Variants in ITSN1 observed in about 807,000 individuals in gnomAD.
ITSN1 encodes the protein intersectin 1.
A neutral mutation model predicts 239.8 loss-of-function variants in ITSN1; 58 were observed. The ratio of observed to expected loss-of-function variants is 0.24; its 90% confidence interval spans 0.20 to 0.30. The LOEUF (loss-of-function observed/expected upper bound fraction) is 0.30, where lower values mean the gene tolerates loss of function less well. Among genes scored for constraint, ITSN1 ranks in the 10% least tolerant of loss-of-function variants. The probability of loss-of-function intolerance (pLI) is 1.00; values close to 1 mark genes in which losing one functional copy is unlikely to be tolerated. For synonymous variants in ITSN1, 780 were observed against 770.8 expected, an observed-to-expected ratio of 1.01 and a Z score of -0.20; for missense variants, 1,558 against 2,103.3, an observed-to-expected ratio of 0.74 and a Z score of 5.07.
At chr21:33,689,677 T>C (rs542775021) in intron 1 of ITSN1, among the ~76,000 whole-genome samples, 16 of 151,934 alleles carry the variant, frequency 1.1e-4, no homozygotes, top group South Asian at 8.3e-4. Context: ...CTCTAAAGAA[T>C]AAAAAATAGA....
chr21:33,846,034 CTCCCAGGGA>C (rs373527291), intron 29 of ITSN1, among the ~76,000 whole-genome samples: 14 of 152,298 alleles, frequency 9.2e-5, no homozygotes, highest in African/African-American at 3.4e-4. Context: ...CCTTGTCTAC[CTCCCAGGGA>C]TCTTGTGTGC....
chr21:33,838,464 G>A (rs898736270), intron 29 of ITSN1: 19 of 981,680 alleles, frequency 1.9e-5, no homozygotes, highest in African/African-American at 5.3e-5. Context: ...AATTAGTTCC[G>A]TGTATAGATA....
intron 22 of ITSN1, among the ~76,000 whole-genome samples, chr21:33,816,062 G>A (rs533857522): frequency 3.9e-5 from 6 of 152,148 alleles, no homozygotes; most frequent in African/African-American, 1.4e-4. Flanking sequence ...GCATGACGGT[G>A]GGCGCCTGTA....
At chr21:33,648,762 G>A (rs1168748813) in intron 1 of ITSN1, among the ~76,000 whole-genome samples, 2 of 152,094 alleles carry the variant, frequency 1.3e-5, no homozygotes, top group Non-Finnish European at 2.9e-5. Context: ...AGGACTGTTT[G>A]TACCCAGAAG....
intron 5 of ITSN1, among the ~76,000 whole-genome samples, chr21:33,748,193 A>G (rs1428811933): frequency 1.3e-5 from 2 of 152,166 alleles, no homozygotes; most frequent in East Asian, 1.9e-4. Context: ...TTGGATGCAT[A>G]CAGTGGCTCA....
At chr21:33,831,742 C>T (rs1479449493) in intron 27 of ITSN1, among the ~76,000 whole-genome samples, 1 of 152,116 alleles carries the variant, frequency 6.6e-6, no homozygotes, top group South Asian at 2.1e-4. Flanking sequence ...CGCATCTTGG[C>T]CAGAATAGAA....
chr21:33,800,363 TAC>T (rs1254148991), intron 19 of ITSN1, among the ~76,000 whole-genome samples: 1 of 151,980 alleles, frequency 6.6e-6, no homozygotes, highest in Admixed American at 6.6e-5. Context: ...CACATATATA[TAC>T]ACACACAAAA....
At chr21:33,689,012 C>T (rs969547924) in intron 1 of ITSN1, among the ~76,000 whole-genome samples, 5 of 151,968 alleles carry the variant, frequency 3.3e-5, no homozygotes, top group African/African-American at 7.3e-5. Flanking sequence ...GGGGTTTCAC[C>T]GTCTTGGCTA....
chr21:33,776,403 AAC>A (rs1555910675), intron 14 of ITSN1, among the ~76,000 whole-genome samples: 1 of 151,430 alleles, frequency 6.6e-6, no homozygotes, highest in Non-Finnish European at 1.5e-5. Flanking sequence ...AAAAAAAAAA[AAC>A]TTAAAAATTA....
intron 34 of ITSN1, among the ~76,000 whole-genome samples, chr21:33,880,010 C>T (rs1984641366): frequency 6.6e-6 from 1 of 152,222 alleles, no homozygotes; most frequent in Non-Finnish European, 1.5e-5. Flanking sequence ...TTTCAGCTTA[C>T]ATCCCCCCTT....
rs202175051 is a variant in ITSN1, at chr21:33,723,586, C to T, written c.185+935C>T. Among the ~76,000 whole-genome samples, 8 of 152,244 alleles carry T rather than the reference C, an allele frequency of 5.3e-5. No individual in the cohort carries two copies. The East Asian group carries it at 1.5e-3, about 29-fold the overall frequency. On this transcript the variant is annotated intron_variant, in intron 4 of 39. Transcript: ENST00000381318. The stretch of plus-strand genomic sequence containing the variant: ...CCGAGATCATGCCACTGCACTCCAG[C>T]CTGGGCGACAGAGCGAGACTCCGTC...
At chr21:33,726,776 C>T (rs1357395729) in intron 4 of ITSN1, among the ~76,000 whole-genome samples, 1 of 152,200 alleles carries the variant, frequency 6.6e-6, no homozygotes, top group Non-Finnish European at 1.5e-5. Context: ...CCCGCCTCAG[C>T]CTCCCAAAGT....
At chr21:33,786,585 A>C (rs1166762211) in intron 16 of ITSN1, among the ~76,000 whole-genome samples, 1 of 152,230 alleles carries the variant, frequency 6.6e-6, no homozygotes, top group Non-Finnish European at 1.5e-5. Context: ...TTTCCTTGGC[A>C]CTGACAGCCT....
chr21:33,800,799 TA>T (rs2071934515), intron 19 of ITSN1, among the ~76,000 whole-genome samples: 1 of 150,774 alleles, frequency 6.6e-6, no homozygotes, highest in Admixed American at 6.6e-5. Context: ...TTTTTTTTTT[TA>T]AAGATAATTT....
chr21:33,877,991 T>G (rs186352335), intron 34 of ITSN1, among the ~76,000 whole-genome samples: 9 of 148,472 alleles, frequency 6.1e-5, no homozygotes, highest in Non-Finnish European at 1.2e-4. Flanking sequence ...TGTCTCTCTT[T>G]CTCTTTCTCT....
intron 1 of ITSN1, among the ~76,000 whole-genome samples, chr21:33,709,427 C>T (rs2092348368): frequency 6.6e-6 from 1 of 152,106 alleles, no homozygotes; most frequent in Non-Finnish European, 1.5e-5. Context: ...GCCTCAGCCT[C>T]CCAAGTAGCT....
intron 33 of ITSN1, among the ~76,000 whole-genome samples, chr21:33,868,866 A>G (rs71326972): frequency 0.075 from 11,479 of 152,218 alleles, 460 homozygotes; most frequent in Non-Finnish European, 0.097. Flanking sequence ...GACTGCCAGC[A>G]CGCTGTCACC....
intron 14 of ITSN1, among the ~76,000 whole-genome samples, chr21:33,778,803 C>T (rs2069881482): frequency 7.1e-6 from 1 of 141,004 alleles, no homozygotes; most frequent in South Asian, 2.1e-4. Flanking sequence ...TGGTCTCGAT[C>T]TCCTGACCTC....
At chr21:33,759,460 T>C (rs192349483) in intron 8 of ITSN1, among the ~76,000 whole-genome samples, 20 of 152,336 alleles carry the variant, frequency 1.3e-4, no homozygotes, top group Non-Finnish European at 8.8e-5. Context: ...AGATAAAATA[T>C]TAACTTCCTT....
Sources: allele counts gnomAD v4.1 joint callset (sites outside exome capture counted in the v4.1 genomes callset), GRCh38; gene constraint gnomAD v4.1.1; transcripts MANE v1.5; gene names NCBI Gene and HGNC (gene_info 2026-07-23, HGNC 2026-07-21).